Variants in NRXN1 observed in about 807,000 individuals in gnomAD.
NRXN1 encodes the protein neurexin-1.
A neutral mutation model predicts 150.9 loss-of-function variants in NRXN1; 39 were observed. The ratio of observed to expected loss-of-function variants is 0.26; its 90% CI spans 0.20 to 0.34. The LOEUF (loss-of-function observed/expected upper bound fraction) is 0.34. Among genes scored for constraint, NRXN1 ranks in the 10% least tolerant of loss-of-function variants. NRXN1 has a pLI of 1.00. For synonymous variants in NRXN1, 924 were observed against 757.0 expected (o/e 1.22, Z -3.62); for missense variants, 1,815 against 1,949.9 (o/e 0.93, Z 1.30).
In NRXN1 at chr2:50,624,064, T is replaced by G. The variant is rs1161305484; in HGVS notation, c.833-449A>C. ...GTTTTTTGTCCTTGAGATAGTTTGCTGAGAATGATGGTTTCCAGCTTCATC... is the reference window on the plus strand; with the variant it reads ...GTTTTTTGTCCTTGAGATAGTTTGCGGAGAATGATGGTTTCCAGCTTCATC... On this transcript the variant is annotated intron_variant, in intron 5 of 22. Coordinates refer to ENST00000401669, the MANE Select transcript of NRXN1 (RefSeq NM_001330078.2). 2.0e-5 allele frequency among the ~76,000 whole-genome samples: 3 copies of G among 152,138 alleles called. No homozygotes were observed. In the East Asian group the frequency reaches 5.8e-4, roughly 29 times the overall value.
intron 5 of NRXN1, among the ~76,000 whole-genome samples, chr2:50,916,485 T>G (rs930305863): frequency 6.7e-6 from 1 of 149,520 alleles, no homozygotes; most frequent in Non-Finnish European, 1.5e-5. Flanking sequence ...GTTAAAAATC[T>G]AGATTAAAAA....
intron 5 of NRXN1, among the ~76,000 whole-genome samples, chr2:50,630,509 A>C (rs1243170546): frequency 1.3e-5 from 2 of 151,682 alleles, no homozygotes; most frequent in African/African-American, 4.8e-5. Flanking sequence ...TCACCAAATA[A>C]ATAATCTGCA....
intron 18 of NRXN1, among the ~76,000 whole-genome samples, chr2:50,204,079 C>G (rs1050722408): frequency 6.6e-6 from 1 of 151,888 alleles, no homozygotes; most frequent in South Asian, 2.1e-4. Flanking sequence ...TAAAATAAAC[C>G]CACCATGGAA....
chr2:49,934,070 C>T (rs924700267), intron 22 of NRXN1, among the ~76,000 whole-genome samples: 4 of 152,092 alleles, frequency 2.6e-5, no homozygotes, highest in African/African-American at 9.7e-5. Context: ...TGCTCTCTGG[C>T]TCCTATGGTT....
At chr2:50,011,729 A>G (rs1685704400) in intron 21 of NRXN1, among the ~76,000 whole-genome samples, 2 of 152,112 alleles carry the variant, frequency 1.3e-5, no homozygotes, top group African/African-American at 4.8e-5. Flanking sequence ...AAATAAAGAC[A>G]ATTCCAAGAT....
chr2:50,352,779 TATAATAATA>T (rs987086972), intron 17 of NRXN1, among the ~76,000 whole-genome samples: 2 of 94,346 alleles, frequency 2.1e-5, no homozygotes, highest in Non-Finnish European at 4.6e-5. Flanking sequence ...ATAATAATAT[TATAATAATA>T]ATAATAATAA....
intron 18 of NRXN1, among the ~76,000 whole-genome samples, chr2:50,149,849 G>A (rs2058594249): frequency 6.6e-6 from 1 of 151,438 alleles, no homozygotes; most frequent in Admixed American, 6.6e-5. Flanking sequence ...TGAGCCCCCA[G>A]AAATAGGCTT....
At chr2:50,135,894 A>G (rs1706331733) in intron 18 of NRXN1, among the ~76,000 whole-genome samples, 1 of 152,202 alleles carries the variant, frequency 6.6e-6, no homozygotes, top group South Asian at 2.1e-4. Context: ...GAGACATAAC[A>G]TGGATAATGT....
At chr2:50,958,389 C>G (rs1479683248) in intron 2 of NRXN1, among the ~76,000 whole-genome samples, 2 of 152,074 alleles carry the variant, frequency 1.3e-5, no homozygotes, top group African/African-American at 4.8e-5. Context: ...CAAAAGTTAA[C>G]ATATATACTA....
intron 17 of NRXN1, among the ~76,000 whole-genome samples, chr2:50,453,319 G>T (rs1260369016): frequency 2.6e-5 from 4 of 152,152 alleles, no homozygotes; most frequent in African/African-American, 9.7e-5. Flanking sequence ...ATTTCTGACA[G>T]ATTCACAGGC....
At chr2:51,022,532 T>C (rs1669782857) in intron 2 of NRXN1, among the ~76,000 whole-genome samples, 1 of 152,152 alleles carries the variant, frequency 6.6e-6, no homozygotes, top group Admixed American at 6.5e-5. Context: ...AACTTTTTAA[T>C]AAACAGATGC....
intron 5 of NRXN1, among the ~76,000 whole-genome samples, chr2:50,784,165 T>A (rs1204441401): frequency 1.3e-5 from 2 of 152,134 alleles, no homozygotes; most frequent in Non-Finnish European, 2.9e-5. Context: ...AATAAATATA[T>A]TACTTTGAGT....
intron 9 of NRXN1, among the ~76,000 whole-genome samples, chr2:50,552,071 G>A (rs982514223): frequency 2.6e-5 from 4 of 152,160 alleles, no homozygotes; most frequent in African/African-American, 9.7e-5. Flanking sequence ...CAGTTTGGAA[G>A]GGCAGCAGAG....
intron 18 of NRXN1, among the ~76,000 whole-genome samples, chr2:50,147,917 G>A (rs932247453): frequency 6.6e-6 from 1 of 151,594 alleles, no homozygotes; most frequent in South Asian, 2.1e-4. Flanking sequence ...GTCTCCTGTA[G>A]GAATCCTAGC....
intron 5 of NRXN1, among the ~76,000 whole-genome samples, chr2:50,756,817 AG>A: frequency 6.6e-6 from 1 of 151,970 alleles, no homozygotes; most frequent in East Asian, 1.9e-4. Context: ...CAAAGTTGAA[AG>A]CATACATTTT....
Position 50,921,863 on chromosome 2 carries a change from T to G in NRXN1, c.832+6A>C, listed in dbSNP as rs200841589. On this transcript the variant is annotated splice_donor_region_variant and intron_variant, in intron 5 of 22. Coordinates refer to ENST00000401669, the MANE Select transcript of NRXN1 (RefSeq NM_001330078.2). Reference sequence around the variant, plus strand: ...GATATTAAGAAGAAATAAAATAATGTAATACCTTTACTTTTACCTATGGAT... The same window carrying G: ...GATATTAAGAAGAAATAAAATAATGGAATACCTTTACTTTTACCTATGGAT... 1 of 1,355,288 alleles carries G rather than the reference T, an allele frequency of 7.4e-7. No homozygotes were observed. Among genetic ancestry groups the G allele is most frequent in the South Asian group, 1.6e-5 (1 of 63,196 alleles). 84.0% of individuals were successfully genotyped at this position (1,355,288 alleles called of 1,614,324 possible). A position where few individuals can be genotyped will look rare whatever the true frequency, so the allele number is the denominator to read the frequency against.
At chr2:50,831,671 C>A (rs1410510489) in intron 5 of NRXN1, among the ~76,000 whole-genome samples, 2 of 152,140 alleles carry the variant, frequency 1.3e-5, no homozygotes, top group African/African-American at 4.8e-5. Flanking sequence ...ATTTCTAAAA[C>A]TTGTTTTTAA....
intron 8 of NRXN1, among the ~76,000 whole-genome samples, chr2:50,598,812 C>T (rs1000552270): frequency 6.6e-6 from 1 of 151,090 alleles, no homozygotes; most frequent in Non-Finnish European, 1.5e-5. Context: ...GGCTGGAGTG[C>T]AGTGCTGTGA....
intron 17 of NRXN1, among the ~76,000 whole-genome samples, chr2:50,373,256 G>C (rs1274079930): frequency 6.7e-6 from 1 of 150,086 alleles, no homozygotes; most frequent in Non-Finnish European, 1.5e-5. Flanking sequence ...TTTACCTAAA[G>C]ACCAGGATGT....
Sources: allele counts gnomAD v4.1 joint callset (sites outside exome capture counted in the v4.1 genomes callset), GRCh38; gene constraint gnomAD v4.1.1; transcripts MANE v1.5; gene names NCBI Gene and HGNC (gene_info 2026-07-23, HGNC 2026-07-21).